Variants in NDST4 observed in about 807,000 individuals in gnomAD.
The protein encoded by NDST4 is N-deacetylase and N-sulfotransferase 4, also known as N-heparan sulfate sulfotransferase 4.
Under a neutral mutation model 100.8 loss-of-function variants are expected in NDST4, and 63 were observed. The observed-to-expected ratio is 0.62, with a 90% CI of 0.51 to 0.77. The LOEUF (loss-of-function observed/expected upper bound fraction) is 0.77, where lower values mean the gene tolerates loss of function less well. Among genes scored for constraint, NDST4 ranks in the 30% least tolerant of loss-of-function variants. NDST4 has a pLI of 0.00. For missense variants in NDST4, 943 were observed against 1,018.4 expected, an observed-to-expected ratio of 0.93 and a Z score of 1.01; for synonymous variants, 377 against 361.8, an observed-to-expected ratio of 1.04 and a Z score of -0.48.
chr4:114,985,959 C>T (rs1726891054), intron 2 of NDST4, among the ~76,000 whole-genome samples: 1 of 152,182 alleles, frequency 6.6e-6, no homozygotes, highest in Middle Eastern at 3.4e-3. Context: ...AAGAACTTAG[C>T]GTCGTTAATT....
intron 6 of NDST4, among the ~76,000 whole-genome samples, chr4:114,918,566 A>AT (rs971706303): frequency 2.4e-4 from 36 of 151,780 alleles, no homozygotes; most frequent in African/African-American, 8.4e-4. Flanking sequence ...TAAATAAAAA[A>AT]AAAATAAAAT....
intron 2 of NDST4, among the ~76,000 whole-genome samples, chr4:115,074,522 G>GA (rs1729140621): frequency 1.3e-5 from 2 of 151,970 alleles, no homozygotes; most frequent in African/African-American, 2.4e-5. Flanking sequence ...AAAAGTAAAA[G>GA]AAAAAATGAG....
At chr4:115,090,719 G>T (rs775523813) in intron 1 of NDST4, among the ~76,000 whole-genome samples, 1 of 151,754 alleles carries the variant, frequency 6.6e-6, no homozygotes, top group African/African-American at 2.4e-5. Flanking sequence ...GCAAAAATAG[G>T]CCAACAGCAC....
intron 12 of NDST4, 27 bp downstream of exon 12, chr4:114,833,579 T>C: frequency 7.0e-7 from 1 of 1,421,980 alleles, no homozygotes; most frequent in Non-Finnish European, 9.9e-7. Context: ...ATAATGGAAA[T>C]GAAATCAAGC....
intron 1 of NDST4, among the ~76,000 whole-genome samples, chr4:115,108,394 A>T (rs965416426): frequency 1.1e-4 from 16 of 152,132 alleles, no homozygotes; most frequent in African/African-American, 3.6e-4. Flanking sequence ...TCAGGAATAG[A>T]ATCAAGCCAA....
intron 2 of NDST4, among the ~76,000 whole-genome samples, chr4:115,069,631 C>A (rs1195278908): frequency 2.0e-5 from 3 of 152,130 alleles, no homozygotes; most frequent in Non-Finnish European, 4.4e-5. Context: ...AGGATGGCTT[C>A]ATGCCTGTAA....
intron 1 of NDST4, among the ~76,000 whole-genome samples, chr4:115,112,442 T>C (rs765388122): frequency 1.6e-4 from 25 of 151,794 alleles, no homozygotes; most frequent in Non-Finnish European, 2.5e-4. Context: ...ACTGTGCAAA[T>C]GAAAAATATT....
At position 114,852,804 on chromosome 4, in the gene NDST4, T is replaced by C; in HGVS notation, c.1737A>G (p.Lys579=). 1 of 1,611,808 alleles carries C rather than the reference T, an allele frequency of 6.2e-7. No homozygotes were observed. The highest frequency in any genetic ancestry group is 1.1e-5 in the South Asian group (1 of 90,820). Residue 579 remains lysine (K), a synonymous_variant, in exon 8 of 14, where the codon AAA becomes AAG. Coordinates refer to ENST00000264363, the MANE Select transcript of NDST4 (RefSeq NM_022569.3). The stretch of plus-strand genomic sequence containing the variant: ...CTCTGGACCAGATGTCTTTGTGTCG[T>C]TTATCATCACATGGATTCTGCAAGA... The part of the protein sequence containing the change: ...DPLWQNPCDD[K]RHKDIWSREK...
chr4:115,103,085 T>A (rs1210067703), intron 1 of NDST4, among the ~76,000 whole-genome samples: 1 of 152,108 alleles, frequency 6.6e-6, no homozygotes, highest in Non-Finnish European at 1.5e-5. Flanking sequence ...TTTTGGGTGA[T>A]ATAACAAGAG....
At chr4:114,974,812 A>G (rs1192844601) in intron 3 of NDST4, among the ~76,000 whole-genome samples, 1 of 152,134 alleles carries the variant, frequency 6.6e-6, no homozygotes, top group Non-Finnish European at 1.5e-5. Context: ...GAAAGAATAC[A>G]TGAGAAATAC....
intron 2 of NDST4, among the ~76,000 whole-genome samples, chr4:115,004,308 G>A (rs1043767910): frequency 6.6e-6 from 1 of 152,102 alleles, no homozygotes; most frequent in Non-Finnish European, 1.5e-5. Flanking sequence ...TTCAAAATTT[G>A]TATCATGATT....
intron 1 of NDST4, among the ~76,000 whole-genome samples, chr4:115,083,082 G>GT (rs904716793): frequency 2.6e-5 from 4 of 151,936 alleles, no homozygotes; most frequent in East Asian, 1.9e-4. Context: ...TGCTTCATGC[G>GT]TTTTTTTGTT....
intron 6 of NDST4, among the ~76,000 whole-genome samples, chr4:114,873,063 A>G (rs1234280052): frequency 6.6e-6 from 1 of 151,486 alleles, no homozygotes; most frequent in Non-Finnish European, 1.5e-5. Context: ...AAAGAAAAAA[A>G]TATTTTGGAA....
At chr4:115,039,776 T>C (rs1728311718) in intron 2 of NDST4, among the ~76,000 whole-genome samples, 1 of 152,104 alleles carries the variant, frequency 6.6e-6, no homozygotes, top group Non-Finnish European at 1.5e-5. Flanking sequence ...GAGGGGTGTG[T>C]AAATAATACA....
intron 4 of NDST4, among the ~76,000 whole-genome samples, chr4:114,947,408 A>T (rs1410085755): frequency 6.6e-6 from 1 of 152,198 alleles, no homozygotes; most frequent in Non-Finnish European, 1.5e-5. Context: ...TGGTAGCATG[A>T]TATCCTGAGA....
intron 5 of NDST4, among the ~76,000 whole-genome samples, chr4:114,936,326 C>G (rs1578399757): frequency 6.6e-6 from 1 of 152,062 alleles, no homozygotes; most frequent in South Asian, 2.1e-4. Flanking sequence ...CTTCTGGTAC[C>G]AATTTGCAAT....
At chr4:114,910,088 G>A (rs1430994589) in intron 6 of NDST4, among the ~76,000 whole-genome samples, 2 of 152,076 alleles carry the variant, frequency 1.3e-5, no homozygotes, top group African/African-American at 4.8e-5. Context: ...AAGATGAGCT[G>A]GAAAAAAGAT....
At position 114,992,435 on chromosome 4, in the gene NDST4, T is replaced by C. The variant is rs1034955378; in HGVS notation, c.979-15161A>G. ...ATTTATTACAATTTATGAATGAATGTTAACACATTACTCTTAATTAAAGTT... is the reference window on the plus strand; with the variant it reads ...ATTTATTACAATTTATGAATGAATGCTAACACATTACTCTTAATTAAAGTT... On this transcript the variant is annotated intron_variant, in intron 2 of 13. Transcript: ENST00000264363. 4.6e-5 allele frequency among the ~76,000 whole-genome samples: 7 copies of C among 152,070 alleles called. No homozygotes were observed. The South Asian group carries it at 8.3e-4, about 18-fold the overall frequency.
chr4:114,831,481 TA>T (rs962087671), intron 12 of NDST4, among the ~76,000 whole-genome samples: 13 of 152,222 alleles, frequency 8.5e-5, no homozygotes, highest in African/African-American at 2.9e-4. Context: ...ACAGTGCCCC[TA>T]AACATTGTTT....
Sources: allele counts gnomAD v4.1 joint callset (sites outside exome capture counted in the v4.1 genomes callset), GRCh38; gene constraint gnomAD v4.1.1; transcripts MANE v1.5; gene names NCBI Gene and HGNC (gene_info 2026-07-23, HGNC 2026-07-21).